Variants in GNPAT observed in about 807,000 individuals in gnomAD.
The protein encoded by GNPAT is glyceronephosphate O-acyltransferase.
Under a neutral mutation model 78.4 loss-of-function variants are expected in GNPAT, and 30 were observed. That is an observed-to-expected ratio of 0.38 (90% CI 0.29 to 0.52). The LOEUF (loss-of-function observed/expected upper bound fraction) is 0.52, where lower values mean the gene tolerates loss of function less well. GNPAT is among the 20% of genes least tolerant of loss of function. The pLI is 0.84. For missense variants in GNPAT, 714 were observed against 812.2 expected (o/e 0.88, Z 1.47); for synonymous variants, 271 against 281.1 (o/e 0.96, Z 0.36).
chr1:231,260,150 G>A (rs1685183707), intron 2 of GNPAT, among the ~76,000 whole-genome samples: 1 of 152,166 alleles, frequency 6.6e-6, no homozygotes. Flanking sequence ...GTGGAGCACT[G>A]CAGCAATACA....
chr1:231,250,080 T>TTTATTATTA (rs140643889), intron 1 of GNPAT, among the ~76,000 whole-genome samples: 4 of 144,716 alleles, frequency 2.8e-5, no homozygotes, highest in African/African-American at 1.0e-4. Flanking sequence ...ACTGTACCTC[T>TTTATTATTA]TTATTATTAT....
Position 231,272,411 on chromosome 1 carries a change from G to T in GNPAT, c.1602+20G>T. The T allele has an allele frequency of 7.8e-7, 1 of 1,279,986 alleles. No individual in the cohort carries two copies. The highest frequency in any genetic ancestry group is 1.2e-5 in the South Asian group (1 of 84,016). The allele number at this position is 1,279,986 out of a possible 1,614,324, so 79.3% of individuals were successfully genotyped here. ...CTAAAGGTAAAGTGCTTACAACAAAGAGCAAGTATGTTTGCAGTGTGAGTT... is the reference window on the plus strand; with the variant it reads ...CTAAAGGTAAAGTGCTTACAACAAATAGCAAGTATGTTTGCAGTGTGAGTT... On this transcript the variant is annotated intron_variant, in intron 11 of 15. Transcript: ENST00000366647.
intron 11 of GNPAT, among the ~76,000 whole-genome samples, chr1:231,273,020 G>T (rs913942873): frequency 2.6e-5 from 4 of 152,076 alleles, no homozygotes; most frequent in African/African-American, 9.7e-5. Context: ...ACATTTTCCT[G>T]TTAGCAAGTT....
intron 2 of GNPAT, chr1:231,258,257 A>G (rs1351853406): frequency 1.3e-5 from 2 of 152,144 alleles, no homozygotes; most frequent in South Asian, 2.1e-4. Flanking sequence ...GAATCTGCCA[A>G]CTCACCTTCT....
chr1:231,241,489 A>G (rs1040075795), intron 1 of GNPAT, 33 bp downstream of exon 1: 13 of 1,487,136 alleles, frequency 8.7e-6, no homozygotes, highest in Non-Finnish European at 1.2e-5. Context: ...CCCAGAGCGG[A>G]GCCGCGCGAA....
At chr1:231,245,540 A>G (rs1684723525) in intron 1 of GNPAT, among the ~76,000 whole-genome samples, 1 of 152,104 alleles carries the variant, frequency 6.6e-6, no homozygotes, top group Non-Finnish European at 1.5e-5. Flanking sequence ...GTGAGCCACC[A>G]TGCCCTGACC....
chr1:231,252,281 G>A (rs1684918984), intron 2 of GNPAT, among the ~76,000 whole-genome samples: 2 of 152,160 alleles, frequency 1.3e-5, no homozygotes, highest in Admixed American at 1.3e-4. Flanking sequence ...ATGACCAGTT[G>A]GGTGTAGGAA....
intron 9 of GNPAT, 88 bp downstream of exon 9, chr1:231,267,991 G>A (rs1685438847): frequency 1.2e-6 from 1 of 836,986 alleles, no homozygotes; most frequent in Admixed American, 1.9e-5. Flanking sequence ...GAGGACTTGA[G>A]CAAAGGATTG....
intron 3 of GNPAT, among the ~76,000 whole-genome samples, chr1:231,261,333 T>C (rs899995109): frequency 2.8e-5 from 4 of 144,512 alleles, no homozygotes; most frequent in African/African-American, 1.0e-4. Flanking sequence ...TTCATGCTAA[T>C]TTTTTTTTTT....
At chr1:231,264,479 T>G (rs1229484307) in intron 4 of GNPAT, among the ~76,000 whole-genome samples, 2 of 152,188 alleles carry the variant, frequency 1.3e-5, no homozygotes, top group Non-Finnish European at 2.9e-5. Flanking sequence ...CACTCCCTTT[T>G]AGGGTAGCCA....
intron 9 of GNPAT, among the ~76,000 whole-genome samples, chr1:231,268,697 G>C (rs1298511977): frequency 6.6e-6 from 1 of 151,062 alleles, no homozygotes; most frequent in Admixed American, 6.6e-5. Flanking sequence ...CACGAGGTCA[G>C]CAGTTCCAGA....
intron 9 of GNPAT, 62 bp downstream of exon 9, chr1:231,267,965 AC>A: frequency 9.5e-7 from 1 of 1,054,594 alleles, no homozygotes; most frequent in East Asian, 2.4e-5. Context: ...TAAAACCTGG[AC>A]CTGAAAAATC....
At chr1:231,256,766 G>A (rs1261495622) in intron 2 of GNPAT, among the ~76,000 whole-genome samples, 3 of 152,148 alleles carry the variant, frequency 2.0e-5, no homozygotes, top group East Asian at 3.8e-4. Flanking sequence ...GATTACAGGC[G>A]TGAGCCACTG....
At chr1:231,263,634 G>A (rs1041444179) in intron 4 of GNPAT, among the ~76,000 whole-genome samples, 1 of 152,048 alleles carries the variant, frequency 6.6e-6, no homozygotes, top group Non-Finnish European at 1.5e-5. Context: ...GCTGGGTCTT[G>A]TGGTAATTTT....
chr1:231,273,966 A>G lies in GNPAT; in HGVS notation c.1647A>G (p.Ile549Met), dbSNP rs140540032. 7 of 1,611,894 alleles carry G rather than the reference A, an allele frequency of 4.3e-6. No individual in the cohort carries two copies. The African/African-American group carries it at 8.0e-5, about 18-fold the overall frequency. Residue 549 changes from isoleucine (I) to methionine (M), a missense_variant, in exon 12 of 16, where the codon ATA becomes ATG. By Grantham distance (10) the Ile-to-Met change is conservative. Coordinates refer to ENST00000366647, the MANE Select transcript of GNPAT (RefSeq NM_014236.4). The stretch of plus-strand genomic sequence containing the variant: ...ACCTGCTTTGTAAAAGTGAAGCCAT[A>G]CAAGTGACTACGAAAGACATCCTAG... ...GCYLLCKSEA[I>M]QVTTKDILVT...
At chr1:231,253,745 T>C (rs1480871229) in intron 2 of GNPAT, among the ~76,000 whole-genome samples, 1 of 152,248 alleles carries the variant, frequency 6.6e-6, no homozygotes, top group African/African-American at 2.4e-5. Flanking sequence ...TATTATTATC[T>C]ACTAGGAGGT....
rs756621919 is a variant in GNPAT, at chr1:231,266,168, A to G, written c.924+3A>G. 7.4e-6 allele frequency: 12 copies of G among 1,613,360 alleles called. No homozygotes were observed. The highest frequency in any genetic ancestry group is 1.6e-4 in the Middle Eastern group (1 of 6,062). ...CTAAACCAAAAGAGTCTACAACTGT[A>G]CGTGAGCTTGATTTTAGCTTAATTG... is the stretch of plus-strand genomic sequence containing the variant. On this transcript the variant is annotated splice_donor_region_variant and intron_variant, in intron 7 of 15. Coordinates refer to ENST00000366647, the MANE Select transcript of GNPAT (RefSeq NM_014236.4).
At chr1:231,252,537 G>A (rs755441873) in intron 2 of GNPAT, among the ~76,000 whole-genome samples, 1 of 152,146 alleles carries the variant, frequency 6.6e-6, no homozygotes, top group Non-Finnish European at 1.5e-5. Context: ...TTGCTAGCCT[G>A]GGGCTTGGTC....
chr1:231,260,493 TCCTTTC>T lies in GNPAT; in HGVS notation c.262-12_262-7del. The T allele has an allele frequency of 6.3e-7, 1 of 1,586,176 alleles. No homozygotes were observed. Among genetic ancestry groups the T allele is most frequent in the Non-Finnish European group, 8.7e-7 (1 of 1,155,206 alleles). On this transcript the variant is annotated splice_region_variant and splice_polypyrimidine_tract_variant and intron_variant, in intron 2 of 15. Coordinates refer to ENST00000366647, the MANE Select transcript of GNPAT (RefSeq NM_014236.4). ...TGTTGTTAGAAATTATTCCTGCTTT[TCCTTTC>T]CTTTTAGCTTTCCAAGGAATCCCTT...
Sources: gnomAD v4.1 joint callset for allele counts (sites outside exome capture counted in the v4.1 genomes callset) on GRCh38, gnomAD v4.1.1 for gene constraint, MANE v1.5 for transcripts, NCBI Gene and HGNC (gene_info 2026-07-23, HGNC 2026-07-21) for gene names.